The following NSMCE2 variants were observed in gnomAD, a reference collection of about 807,000 sequenced individuals.
NSMCE2 encodes the protein E3 SUMO-protein ligase NSE2.
Under a neutral mutation model 23.8 loss-of-function variants are expected in NSMCE2, and 24 were observed. The observed-to-expected ratio is 1.01, with a 90% confidence interval of 0.73 to 1.42. NSMCE2 has a LOEUF of 1.42. Among genes scored for constraint, NSMCE2 ranks in the 40% most tolerant of loss-of-function variants. The probability of loss-of-function intolerance (pLI) is 0.00; values close to 1 mark genes in which losing one functional copy is unlikely to be tolerated. For missense variants in NSMCE2, 284 were observed against 296.5 expected (o/e 0.96, Z 0.31); for synonymous variants, 92 against 94.1 (o/e 0.98, Z 0.13).
chr8:125,312,634 A>C (rs183395310), intron 5 of NSMCE2, among the ~76,000 whole-genome samples: 12 of 152,332 alleles, frequency 7.9e-5, no homozygotes, highest in Non-Finnish European at 1.3e-4. Flanking sequence ...TAAATAAGTA[A>C]ATAAACAAAT....
intron 5 of NSMCE2, among the ~76,000 whole-genome samples, chr8:125,184,425 A>G (rs745428944): frequency 6.6e-6 from 1 of 152,330 alleles, no homozygotes; most frequent in Middle Eastern, 3.4e-3. Context: ...TTATTTGGAT[A>G]GACAGTCAAA....
At chr8:125,237,874 A>C (rs1213931013) in intron 5 of NSMCE2, among the ~76,000 whole-genome samples, 2 of 152,270 alleles carry the variant, frequency 1.3e-5, no homozygotes, top group East Asian at 3.9e-4. Context: ...TGGAGTTCTC[A>C]GAAGTTATTA....
At chr8:125,308,302 T>G (rs1279804728) in intron 5 of NSMCE2, among the ~76,000 whole-genome samples, 1 of 152,240 alleles carries the variant, frequency 6.6e-6, no homozygotes, top group Non-Finnish European at 1.5e-5. Flanking sequence ...CCTAAGTATT[T>G]TCTCTGGATG....
intron 5 of NSMCE2, among the ~76,000 whole-genome samples, chr8:125,247,647 C>G (rs1826043004): frequency 6.6e-6 from 1 of 151,834 alleles, no homozygotes; most frequent in Admixed American, 6.6e-5. Context: ...ATCGCTTGAA[C>G]CCAGGAGGCA....
intron 5 of NSMCE2, among the ~76,000 whole-genome samples, chr8:125,189,138 G>A (rs1385992155): frequency 2.0e-5 from 3 of 152,182 alleles, no homozygotes; most frequent in African/African-American, 4.8e-5. Context: ...TCAGTGTCAC[G>A]AAGAAAAGTC....
chr8:125,310,396 A>C (rs952569751), intron 5 of NSMCE2, among the ~76,000 whole-genome samples: 1 of 152,170 alleles, frequency 6.6e-6, no homozygotes, highest in Non-Finnish European at 1.5e-5. Context: ...AGAAAGAATG[A>C]GTGGAGAATG....
At chr8:125,194,667 T>C (rs1471437760) in intron 5 of NSMCE2, among the ~76,000 whole-genome samples, 1 of 152,178 alleles carries the variant, frequency 6.6e-6, no homozygotes, top group Non-Finnish European at 1.5e-5. Context: ...AAGCATATGA[T>C]GTTTAGCTTA....
chr8:125,229,559 C>A (rs1247759225), intron 5 of NSMCE2, among the ~76,000 whole-genome samples: 1 of 151,948 alleles, frequency 6.6e-6, no homozygotes, highest in African/African-American at 2.4e-5. Context: ...AAAGAAGTAC[C>A]GACATTTGAA....
intron 5 of NSMCE2, among the ~76,000 whole-genome samples, chr8:125,191,897 G>A (rs1441289880): frequency 6.6e-6 from 1 of 152,142 alleles, no homozygotes; most frequent in East Asian, 1.9e-4. Flanking sequence ...TCTTGGAGGT[G>A]ACATATTTAC....
chr8:125,363,761 A>G (rs971532447), intron 7 of NSMCE2, among the ~76,000 whole-genome samples: 1 of 152,092 alleles, frequency 6.6e-6, no homozygotes, highest in Non-Finnish European at 1.5e-5. Flanking sequence ...ACAGGCTGGG[A>G]AAAAAATACA....
chr8:125,205,119 T>G (rs1824062289), intron 5 of NSMCE2, among the ~76,000 whole-genome samples: 1 of 152,228 alleles, frequency 6.6e-6, no homozygotes, highest in South Asian at 2.1e-4. Flanking sequence ...GATCTCTTCA[T>G]GGACTATTCT....
chr8:125,129,544 C>CTGTGTGTGTGTG (rs10578122), intron 3 of NSMCE2, among the ~76,000 whole-genome samples: 360 of 145,460 alleles, frequency 2.5e-3, no homozygotes, highest in Middle Eastern at 0.01. Context: ...AGATTTGGCT[C>CTGTGTGTGTGTG]TGTGTGTGTG....
intron 3 of NSMCE2, among the ~76,000 whole-genome samples, chr8:125,111,343 A>T (rs1424125580): frequency 1.3e-5 from 2 of 152,204 alleles, no homozygotes; most frequent in Non-Finnish European, 2.9e-5. Flanking sequence ...CTTTGGGGGT[A>T]AGATTCTAGT....
intron 5 of NSMCE2, among the ~76,000 whole-genome samples, chr8:125,322,373 C>A (rs748799348): frequency 1.1e-4 from 17 of 152,280 alleles, no homozygotes; most frequent in Middle Eastern, 3.4e-3. Context: ...GAAGGAAAAT[C>A]ATATGATCAT....
Position 125,366,935 on chromosome 8 carries a change from C to A in NSMCE2, c.*50C>A. ...ACCAGCAGCCTACCTCCTACCCCAG[C>A]TGTCTGTTGAGAGCAGTGCTGACCC... On this transcript the variant is annotated 3_prime_UTR_variant, in exon 8 of 8. Coordinates refer to ENST00000287437, the MANE Select transcript of NSMCE2 (RefSeq NM_173685.4). The A allele has an allele frequency of 9.4e-7, 1 of 1,063,284 alleles. No homozygotes were observed. Among genetic ancestry groups the A allele is most frequent in the Non-Finnish European group, 1.5e-6 (1 of 679,550 alleles). The allele number at this position is 1,063,284 out of a possible 1,614,324, so 65.9% of individuals were successfully genotyped here.
In NSMCE2 at chr8:125,101,945, G is replaced by A. The variant is rs550592471; in HGVS notation, c.-110-106G>A. The A allele has an allele frequency of 2.0e-3, 318 of 157,786 alleles. 2 individuals are homozygous for A. The highest frequency in any genetic ancestry group is 3.3e-3 in the Non-Finnish European group (233 of 71,496). The allele number at this position is 157,786 out of a possible 1,614,324, so 9.8% of individuals were successfully genotyped here. A position where few individuals can be genotyped will look rare whatever the true frequency, so the allele number is the denominator to read the frequency against. On this transcript the variant is annotated intron_variant, in intron 1 of 7. Coordinates refer to ENST00000287437, the MANE Select transcript of NSMCE2 (RefSeq NM_173685.4). Reference sequence around the variant, plus strand: ...AGTTTACTAATAAACTATTTTATTAGTATTTTTTTCTCTTTGGAAAATTGC... The same window carrying A: ...AGTTTACTAATAAACTATTTTATTAATATTTTTTTCTCTTTGGAAAATTGC...
intron 5 of NSMCE2, among the ~76,000 whole-genome samples, chr8:125,337,922 C>G (rs1024040337): frequency 6.8e-6 from 1 of 146,018 alleles, no homozygotes; most frequent in Non-Finnish European, 1.5e-5. Context: ...AAGAAAACAA[C>G]AGGTTTGCCT....
intron 5 of NSMCE2, among the ~76,000 whole-genome samples, chr8:125,215,012 CTTTATTTTATTTTAT>C (rs760354733): frequency 7.6e-6 from 1 of 131,986 alleles, no homozygotes; most frequent in Non-Finnish European, 1.5e-5. Flanking sequence ...TTGGTAACCA[CTTTATTTTATTTTAT>C]TTTATTTTAT....
chr8:125,243,371 T>A (rs1470597651), intron 5 of NSMCE2, among the ~76,000 whole-genome samples: 1 of 152,128 alleles, frequency 6.6e-6, no homozygotes, highest in African/African-American at 2.4e-5. Context: ...TGGATTTGAT[T>A]TTAAAGGGCC....
Sources: allele counts gnomAD v4.1 joint callset (sites outside exome capture counted in the v4.1 genomes callset), GRCh38; gene constraint gnomAD v4.1.1; transcripts MANE v1.5; gene names NCBI Gene and HGNC (gene_info 2026-07-23, HGNC 2026-07-21).